Variants in PTPRS observed in about 807,000 individuals in gnomAD.
The protein encoded by PTPRS is receptor-type tyrosine-protein phosphatase S.
In PTPRS, 63 loss-of-function variants were observed where a neutral mutation model predicts 215.3. The ratio of observed to expected loss-of-function variants is 0.29; its 90% CI spans 0.24 to 0.36. PTPRS has a LOEUF of 0.36. Among genes scored for constraint, PTPRS ranks in the 10% least tolerant of loss-of-function variants. The probability of loss-of-function intolerance (pLI) is 1.00; values close to 1 mark genes in which losing one functional copy is unlikely to be tolerated. For missense variants in PTPRS, 2,258 were observed against 2,825.8 expected, an observed-to-expected ratio of 0.80 and a Z score of 4.56; for synonymous variants, 1,404 against 1,191.4, an observed-to-expected ratio of 1.18 and a Z score of -3.68.
At chr19:5,253,068 G>C (rs1401577982) in intron 9 of PTPRS, among the ~76,000 whole-genome samples, 1 of 151,986 alleles carries the variant, frequency 6.6e-6, no homozygotes, top group African/African-American at 2.4e-5. Flanking sequence ...TACTCTAAAG[G>C]CTTAGAGTTT....
intron 1 of PTPRS, among the ~76,000 whole-genome samples, chr19:5,288,692 T>A (rs957555635): frequency 6.6e-6 from 1 of 152,126 alleles, no homozygotes; most frequent in East Asian, 1.9e-4. Flanking sequence ...TGAGGCAGCA[T>A]AGCAAACCTG....
intron 1 of PTPRS, among the ~76,000 whole-genome samples, chr19:5,310,840 G>T (rs1281739889): frequency 6.6e-6 from 1 of 151,872 alleles, no homozygotes; most frequent in Non-Finnish European, 1.5e-5. Context: ...TGAGTAGCTG[G>T]GACTATAGGC....
rs1425284873 is a variant in PTPRS, at chr19:5,229,542, G to C, written c.2298C>G (p.Ala766=). 2.0e-6 allele frequency: 3 copies of C among 1,464,444 alleles called. No homozygotes were observed. The Admixed American group carries it at 7.8e-5, about 38-fold the overall frequency. 90.7% of individuals were successfully genotyped at this position (1,464,444 alleles called of 1,614,324 possible). Residue 766 remains alanine, a synonymous_variant, in exon 15 of 38, where the codon GCC becomes GCG. Coordinates refer to ENST00000262963, the MANE Select transcript of PTPRS (RefSeq NM_002850.4). ...TGATGCGCGGCGGCCCGCGGGCCTCGGCGCCCTCCATGCGCACGTAGTGGA... is the reference window on the plus strand; with the variant it reads ...TGATGCGCGGCGGCCCGCGGGCCTCCGCGCCCTCCATGCGCACGTAGTGGA... ...YQVHYVRMEG[A]EARGPPRIKD...
chr19:5,287,127 C>T lies in PTPRS; in HGVS notation c.-94-893G>A, dbSNP rs1488993848. 6.6e-6 allele frequency among the ~76,000 whole-genome samples: 1 copy of T among 152,154 alleles called. No individual in the cohort carries two copies. Among genetic ancestry groups the T allele is most frequent in the Admixed American group, 6.5e-5 (1 of 15,278 alleles). On this transcript the variant is annotated intron_variant, in intron 1 of 37. Transcript: ENST00000262963. The surrounding 1 kb of genome is among the most constrained non-coding windows in gnomAD (Gnocchi z 4.8). ...CACTGTTTCCTCTCGCTTGGAGGTA[C>T]AGCCAGGCCAGCCAAGCTCAGTCCC...
chr19:5,299,734 T>A (rs377418082), intron 1 of PTPRS, among the ~76,000 whole-genome samples: 5 of 151,998 alleles, frequency 3.3e-5, no homozygotes, highest in African/African-American at 1.2e-4. Context: ...TAGCCGGGCA[T>A]GGTGGTGCGC....
chr19:5,306,847 C>G (rs1054253027), intron 1 of PTPRS, among the ~76,000 whole-genome samples: 1 of 152,218 alleles, frequency 6.6e-6, no homozygotes, highest in Non-Finnish European at 1.5e-5. Context: ...TGGCTATTAT[C>G]TTCCGAAGTT....
intron 1 of PTPRS, among the ~76,000 whole-genome samples, chr19:5,290,461 C>A (rs929336935): frequency 6.6e-6 from 1 of 152,220 alleles, no homozygotes; most frequent in Non-Finnish European, 1.5e-5. Context: ...TCCAACCAGG[C>A]GCCGGGGCAT....
intron 1 of PTPRS, among the ~76,000 whole-genome samples, chr19:5,316,683 G>T (rs777518820): frequency 6.6e-6 from 1 of 151,532 alleles, no homozygotes. Context: ...ATGAGCCACC[G>T]CGCCTGGCCT....
chr19:5,324,829 G>A (rs564218055), intron 1 of PTPRS, among the ~76,000 whole-genome samples: 12 of 152,212 alleles, frequency 7.9e-5, no homozygotes, highest in African/African-American at 2.6e-4. Flanking sequence ...ATGCTTGGTC[G>A]TTCACCATCA....
At chr19:5,334,842 C>T (rs1208066057) in intron 1 of PTPRS, among the ~76,000 whole-genome samples, 1 of 152,158 alleles carries the variant, frequency 6.6e-6, no homozygotes, top group East Asian at 1.9e-4. Flanking sequence ...GCTCAGATCA[C>T]AGCAACTCCG....
At chr19:5,245,736 G>C (rs766200179) in intron 10 of PTPRS, 40 bp downstream of exon 10, 3 of 1,530,282 alleles carry the variant, frequency 2.0e-6, no homozygotes, top group Admixed American at 1.9e-5. Flanking sequence ...ATCGACTCCA[G>C]CCTGCCCCTC....
chr19:5,229,453 G>C (rs554871588), intron 15 of PTPRS, 38 bp downstream of exon 15: 420 of 1,363,988 alleles, frequency 3.1e-4, no homozygotes, highest in Non-Finnish European at 3.8e-4. Flanking sequence ...GTCCCCGCCC[G>C]GAGCCCGTCC....
At chr19:5,206,952 G>A in intron 37 of PTPRS, 110 bp from the exon 38 acceptor site, 4 of 956,788 alleles carry the variant, frequency 4.2e-6, no homozygotes. Flanking sequence ...CGTGTCTCTT[G>A]CAGAAGGTCT....
intron 1 of PTPRS, among the ~76,000 whole-genome samples, chr19:5,308,714 T>A (rs1229519626): frequency 6.6e-6 from 1 of 152,016 alleles, no homozygotes; most frequent in African/African-American, 2.4e-5. Flanking sequence ...AACTGTGGGC[T>A]CCAGGCGGGG....
At chr19:5,243,858 C>T in intron 11 of PTPRS, 43 bp downstream of exon 11, 13 of 1,421,360 alleles carry the variant, frequency 9.1e-6, no homozygotes, top group Non-Finnish European at 1.2e-5. Flanking sequence ...AAGAACCAAG[C>T]CGCACGGCCG....
chr19:5,208,164 A>C, intron 36 of PTPRS, 73 bp downstream of exon 36: 1 of 1,561,332 alleles, frequency 6.4e-7, no homozygotes, highest in Non-Finnish European at 8.7e-7. Context: ...GGACAGCCTA[A>C]GCTTGGGGCT....
chr19:5,304,476 A>C (rs1039589911), intron 1 of PTPRS, among the ~76,000 whole-genome samples: 3 of 151,944 alleles, frequency 2.0e-5, no homozygotes, highest in African/African-American at 7.3e-5. Context: ...TCTGTCTCAA[A>C]AAAATAAAAT....
At chr19:5,260,695 A>G in intron 7 of PTPRS, 110 bp downstream of exon 7, 1 of 1,361,950 alleles carries the variant, frequency 7.3e-7, no homozygotes, top group Non-Finnish European at 1.0e-6. Context: ...AGGTGGTGGC[A>G]GGGTGGACAC....
chr19:5,222,681 G>A lies in PTPRS; in HGVS notation c.3103+8C>T, dbSNP rs768272217. On this transcript the variant is annotated splice_region_variant and intron_variant, in intron 18 of 37. Transcript: ENST00000262963. Reference sequence around the variant, plus strand: ...CCGGCTCTGGTGCAGGGGTCGCCGCGCGCCTACCTTGGTCCCGCAGGAACG... The same window carrying A: ...CCGGCTCTGGTGCAGGGGTCGCCGCACGCCTACCTTGGTCCCGCAGGAACG... 4.5e-4 allele frequency: 700 copies of A among 1,566,142 alleles called. No individual in the cohort carries two copies. The highest frequency in any genetic ancestry group is 5.6e-4 in the Non-Finnish European group (657 of 1,163,392).
Sources: allele counts gnomAD v4.1 joint callset (sites outside exome capture counted in the v4.1 genomes callset), GRCh38; gene constraint gnomAD v4.1.1; non-coding constraint Gnocchi (gnomAD v3.1); transcripts MANE v1.5; gene names NCBI Gene and HGNC (gene_info 2026-07-23, HGNC 2026-07-21).